The following SLC35F4 variants were observed in gnomAD, a reference collection of about 807,000 sequenced individuals.
SLC35F4 encodes chromosome 14 open reading frame 36.
A neutral mutation model predicts 44.2 loss-of-function variants in SLC35F4; 24 were observed. That is an observed-to-expected ratio of 0.54 (90% CI 0.39 to 0.76). The LOEUF is 0.76. SLC35F4 is among the 30% of genes least tolerant of loss of function. The probability of loss-of-function intolerance (pLI) is 0.00; values close to 1 mark genes in which losing one functional copy is unlikely to be tolerated. For synonymous variants in SLC35F4, 238 were observed against 223.6 expected, an observed-to-expected ratio of 1.06 and a Z score of -0.57; for missense variants, 562 against 586.1, an observed-to-expected ratio of 0.96 and a Z score of 0.42.
intron 1 of SLC35F4, among the ~76,000 whole-genome samples, chr14:57,954,470 T>C (rs920540452): frequency 2.2e-4 from 33 of 151,972 alleles, no homozygotes; most frequent in African/African-American, 6.5e-4. Flanking sequence ...CTTCAAAAAA[T>C]CAATGAATCC....
chr14:57,849,862 AACTG>A (rs1276625559), intron 1 of SLC35F4, among the ~76,000 whole-genome samples: 1 of 152,186 alleles, frequency 6.6e-6, no homozygotes, highest in Non-Finnish European at 1.5e-5. Context: ...ATCACATTCT[AACTG>A]ACTGTCAAGC....
intron 1 of SLC35F4, among the ~76,000 whole-genome samples, chr14:57,662,051 T>C (rs149545140): frequency 3.0e-4 from 46 of 152,272 alleles, no homozygotes; most frequent in African/African-American, 9.4e-4. Context: ...ATTTTAAACA[T>C]AGTGAAGTAA....
intron 1 of SLC35F4, among the ~76,000 whole-genome samples, chr14:57,873,865 C>T (rs746039627): frequency 2.0e-5 from 3 of 152,094 alleles, no homozygotes; most frequent in Non-Finnish European, 2.9e-5. Context: ...TTTTAGCAAT[C>T]GCAATTATCT....
At chr14:57,835,378 AAT>A (rs1475647294) in intron 1 of SLC35F4, among the ~76,000 whole-genome samples, 1 of 152,214 alleles carries the variant, frequency 6.6e-6, no homozygotes, top group African/African-American at 2.4e-5. Flanking sequence ...GTGGATGGGA[AAT>A]ATAATCAGAA....
At chr14:57,600,675 G>T (rs1158827250) in intron 1 of SLC35F4, among the ~76,000 whole-genome samples, 1 of 77,238 alleles carries the variant, frequency 1.3e-5, no homozygotes. Flanking sequence ...CTGGGCGACA[G>T]AGCAAGACTC....
chr14:57,724,048 A>G (rs1170355833), intron 1 of SLC35F4, among the ~76,000 whole-genome samples: 2 of 152,252 alleles, frequency 1.3e-5, no homozygotes, highest in African/African-American at 2.4e-5. Flanking sequence ...AAAGAGGCAC[A>G]ATGCTTAGTG....
At chr14:57,586,973 A>AAAAGAGGGCAAAGGAGAAGAACAG (rs61106122) in intron 3 of SLC35F4, among the ~76,000 whole-genome samples, 2 of 147,810 alleles carry the variant, frequency 1.4e-5, no homozygotes, top group Non-Finnish European at 1.5e-5. Context: ...AAAACCAACA[A>AAAAGAGGGCAAAGGAGAAGAACAG]ACACTTCTCA....
intron 1 of SLC35F4, among the ~76,000 whole-genome samples, chr14:57,957,526 C>T (rs7143437): frequency 0.36 from 55,222 of 151,948 alleles, 10,558 homozygotes; most frequent in East Asian, 0.7. Flanking sequence ...AAAATCAATA[C>T]TCACGGCACT....
chr14:57,744,070 C>T (rs917683687), intron 1 of SLC35F4, among the ~76,000 whole-genome samples: 4 of 152,088 alleles, frequency 2.6e-5, no homozygotes, highest in Non-Finnish European at 1.5e-5. Context: ...ATTGATGGGA[C>T]GTATCTCAAA....
At chr14:57,894,026 G>A (rs1672754286) in intron 1 of SLC35F4, among the ~76,000 whole-genome samples, 1 of 152,066 alleles carries the variant, frequency 6.6e-6, no homozygotes, top group Admixed American at 6.6e-5. Flanking sequence ...TCACGTCCCT[G>A]CATTAATTTG....
At chr14:57,933,725 T>G (rs1889744021) in intron 1 of SLC35F4, among the ~76,000 whole-genome samples, 1 of 152,066 alleles carries the variant, frequency 6.6e-6, no homozygotes, top group Non-Finnish European at 1.5e-5. Context: ...TAGAACCAAA[T>G]GGGAAGAAAA....
intron 1 of SLC35F4, among the ~76,000 whole-genome samples, chr14:57,887,516 C>T (rs145061018): frequency 4.7e-4 from 72 of 152,268 alleles, no homozygotes; most frequent in Middle Eastern, 3.4e-3. Flanking sequence ...AGAGCCCCCT[C>T]ATTGCCCTCT....
At chr14:57,759,373 A>G (rs998292118) in intron 1 of SLC35F4, among the ~76,000 whole-genome samples, 1 of 151,980 alleles carries the variant, frequency 6.6e-6, no homozygotes, top group African/African-American at 2.4e-5. Context: ...TGAACCTAGG[A>G]GTGCAAGACC....
chr14:57,825,160 T>C (rs1883594514), intron 1 of SLC35F4, among the ~76,000 whole-genome samples: 1 of 152,136 alleles, frequency 6.6e-6, no homozygotes, highest in Non-Finnish European at 1.5e-5. Context: ...CCTGAGCCTC[T>C]GGAAGGTGGG....
intron 1 of SLC35F4, among the ~76,000 whole-genome samples, chr14:57,769,452 C>A (rs1298548931): frequency 1.3e-5 from 2 of 152,204 alleles, no homozygotes; most frequent in African/African-American, 4.8e-5. Flanking sequence ...GGGTGTGAAT[C>A]TGTGCAGGTG....
intron 1 of SLC35F4, among the ~76,000 whole-genome samples, chr14:57,817,699 G>A (rs1356156231): frequency 6.6e-6 from 1 of 152,090 alleles, no homozygotes; most frequent in Non-Finnish European, 1.5e-5. Flanking sequence ...TATGATTTGA[G>A]AGCTTAATGT....
chr14:57,794,634 G>C (rs962032627), intron 1 of SLC35F4, among the ~76,000 whole-genome samples: 17 of 151,956 alleles, frequency 1.1e-4, no homozygotes, highest in African/African-American at 3.9e-4. Flanking sequence ...TGGGTCTGTA[G>C]GCCCATTCTG....
intron 1 of SLC35F4, among the ~76,000 whole-genome samples, chr14:57,940,272 G>A (rs1382909058): frequency 2.6e-5 from 4 of 152,130 alleles, no homozygotes; most frequent in African/African-American, 4.8e-5. Flanking sequence ...TTCTCTTGAT[G>A]AGAATGGGTT....
intron 1 of SLC35F4, among the ~76,000 whole-genome samples, chr14:57,731,076 G>T (rs543283666): frequency 7.2e-5 from 11 of 152,250 alleles, no homozygotes; most frequent in African/African-American, 2.6e-4. Context: ...TAGAAAAGGG[G>T]ACCTTGACAA....
Sources: allele counts gnomAD v4.1 joint callset (sites outside exome capture counted in the v4.1 genomes callset), GRCh38; gene constraint gnomAD v4.1.1; transcripts MANE v1.5; gene names NCBI Gene and HGNC (gene_info 2026-07-23, HGNC 2026-07-21).